Variants in CHST6 observed in about 807,000 individuals in gnomAD.
The protein encoded by CHST6 is carbohydrate sulfotransferase 6.
For missense variants in CHST6, 698 were observed against 586.2 expected (o/e 1.19, Z -1.97); for synonymous variants, 309 against 276.4 (o/e 1.12, Z -1.17).
chr16:75,479,315 C>A lies in CHST6; in HGVS notation c.514G>T (p.Val172Leu). 1 of 1,613,226 alleles carries A rather than the reference C, an allele frequency of 6.2e-7. No individual in the cohort carries two copies. The highest frequency in any genetic ancestry group is 1.1e-5 in the South Asian group (1 of 91,082). Residue 172 changes from valine (V) to leucine (L), a missense_variant, in exon 3 of 3, where the codon GTG becomes TTG. Val to Leu is a conservative substitution (Grantham distance 32). Transcript: ENST00000332272. ...TTGAAGAAGCGCACCTCCTTGAGCA[C>A]CACGTGGCTGTAGGAGCGGCAGGCC... ...REACRSYSHV[V>L]LKEVRFFNLQ...
At chr16:75,492,820 G>C (rs1475020855) in intron 1 of CHST6, among the ~76,000 whole-genome samples, 1 of 152,102 alleles carries the variant, frequency 6.6e-6, no homozygotes, top group East Asian at 1.9e-4. Context: ...CTGCACTCCA[G>C]TCTGGGCGAC....
rs138472531 is a variant in CHST6, at chr16:75,493,539, A to G, written c.-92+1401T>C. Among the ~76,000 whole-genome samples, 777 of 151,540 alleles carry G rather than the reference A, an allele frequency of 5.1e-3. 8 individuals carry two copies. Among genetic ancestry groups the G allele is most frequent in the African/African-American group, 0.017 (710 of 41,194 alleles). On this transcript the variant is annotated intron_variant, in intron 1 of 2. Transcript: ENST00000332272. The stretch of plus-strand genomic sequence containing the variant: ...ATCAAAAAAAAAAAAAAAAATCTGT[A>G]AAGTGGGGGAAACAATATAACCCAA...
Position 75,472,055 on chromosome 16 carries a change from C to T in CHST6, c.*6586G>A, listed in dbSNP as rs558897834. On this transcript the variant is annotated 3_prime_UTR_variant, in exon 3 of 3. Transcript: ENST00000332272. ...AGACTACTAAAGTACTGGAAGCAAG[C>T]GTGAAGACCATTTTTATCACTGTAG... is the stretch of plus-strand genomic sequence containing the variant. The T allele has an allele frequency of 1.4e-4, 22 of 152,246 alleles. No individual in the cohort carries two copies. Among genetic ancestry groups the T allele is most frequent in the African/African-American group, 3.1e-4 (13 of 41,534 alleles). The allele number at this position is 152,246 out of a possible 1,614,324, so 9.4% of individuals were successfully genotyped here.
Position 75,479,526 on chromosome 16 carries a change from C to T in CHST6, c.303G>A (p.Leu101=). The change falls in exon 3 of 3, where the codon CTG becomes CTA. Residue 101 remains leucine (L), a synonymous_variant. Coordinates refer to ENST00000332272, the MANE Select transcript of CHST6 (RefSeq NM_021615.5). ...AGGCATCAAACACGTCCATGTCGCA[C>T]AGGAAGACGGAGCGCACCAGGTCGC... ...AVRDLVRSVF[L]CDMDVFDAYL... The T allele has an allele frequency of 6.2e-7, 1 of 1,612,902 alleles. No individual in the cohort carries two copies. The highest frequency in any genetic ancestry group is 8.5e-7 in the Non-Finnish European group (1 of 1,179,834).
At chr16:75,486,979 A>G (rs1396982133) in intron 1 of CHST6, among the ~76,000 whole-genome samples, 1 of 152,228 alleles carries the variant, frequency 6.6e-6, no homozygotes, top group Non-Finnish European at 1.5e-5. Flanking sequence ...AGAATGGCAT[A>G]CTTCAATAAA....
At chr16:75,484,078 C>A (rs928876872) in intron 1 of CHST6, among the ~76,000 whole-genome samples, 1 of 152,002 alleles carries the variant, frequency 6.6e-6, no homozygotes, top group Non-Finnish European at 1.5e-5. Context: ...TGACTCACGC[C>A]TGTAAACCCA....
intron 1 of CHST6, among the ~76,000 whole-genome samples, chr16:75,488,680 A>G (rs1052788850): frequency 2.0e-5 from 3 of 151,836 alleles, no homozygotes; most frequent in African/African-American, 7.3e-5. Context: ...AACATAAAGC[A>G]GGGAACATAA....
In CHST6 at chr16:75,479,703, A is replaced by G. The variant is rs1450998473; in HGVS notation, c.126T>C (p.His42=). ...AGCGCCACGAGGACAGCACCAGCAC[A>G]TGCACGCGCGCCTCGCCGCCTGCTG... The part of the protein sequence containing the change: ...SSPAGGEARV[H]VLVLSSWRSG... The change falls in exon 3 of 3, where the codon CAT becomes CAC. Residue 42 remains histidine (H), a synonymous_variant. Coordinates refer to ENST00000332272, the MANE Select transcript of CHST6 (RefSeq NM_021615.5). The G allele has an allele frequency of 2.5e-6, 4 of 1,611,086 alleles. No homozygotes were observed. The highest frequency in any genetic ancestry group is 3.4e-6 in the Non-Finnish European group (4 of 1,178,840).
intron 2 of CHST6, among the ~76,000 whole-genome samples, chr16:75,481,259 G>A (rs1044216526): frequency 6.6e-6 from 1 of 152,032 alleles, no homozygotes; most frequent in East Asian, 1.9e-4. Flanking sequence ...TTGGGCGATA[G>A]AGTGAGACTC....
At chr16:75,491,190 A>AAAAAAAAAAATATAT (rs1206595857) in intron 1 of CHST6, among the ~76,000 whole-genome samples, 3 of 50,084 alleles carry the variant, frequency 6.0e-5, no homozygotes, top group African/African-American at 1.1e-4. Context: ...AAAAAAAAAA[A>AAAAAAAAAAATATAT]ATATATATAT....
At position 75,474,700 on chromosome 16, in the gene CHST6, T is replaced by C; in HGVS notation, c.*3941A>G. ...TGTCCTAGCATGATGGAAGGCATCA[T>C]ATGGCAGAAGGGCAAAGTGAGGGCG... On this transcript the variant is annotated 3_prime_UTR_variant, in exon 3 of 3. Coordinates refer to ENST00000332272, the MANE Select transcript of CHST6 (RefSeq NM_021615.5). 1 of 398,610 alleles carries C rather than the reference T, an allele frequency of 2.5e-6. No individual in the cohort carries two copies. 24.7% of individuals were successfully genotyped at this position (398,610 alleles called of 1,614,324 possible).
Position 75,479,610 on chromosome 16 carries a change from C to T in CHST6, c.219G>A (p.Ala73=), listed in dbSNP as rs140123684. The T allele has an allele frequency of 1.9e-6, 3 of 1,612,862 alleles. No individual in the cohort carries two copies. Among genetic ancestry groups the T allele is most frequent in the Non-Finnish European group, 2.5e-6 (3 of 1,179,848 alleles). ...GCGACAGGGTGGTCCACACGTGCCA[C>T]GCGGGCTCCATTAGGTAGAAGACGT... ...HPDVFYLMEP[A]WHVWTTLSQG... Residue 73 remains alanine, a synonymous_variant, in exon 3 of 3, where the codon GCG becomes GCA. Transcript: ENST00000332272.
At position 75,477,052 on chromosome 16, in the gene CHST6, C is replaced by T. The variant is rs866562129; in HGVS notation, c.*1589G>A. The T allele has an allele frequency of 6.6e-6, 1 of 152,222 alleles. No homozygotes were observed. Among genetic ancestry groups the T allele is most frequent in the Middle Eastern group, 3.2e-3 (1 of 316 alleles). 9.4% of individuals were successfully genotyped at this position (152,222 alleles called of 1,614,324 possible). ...AGCCACTGCATCCAGCCAAGTTACC[C>T]ACTCTTAAGGTATTTTGTTATAACC... is the stretch of plus-strand genomic sequence containing the variant. On this transcript the variant is annotated 3_prime_UTR_variant, in exon 3 of 3. Transcript: ENST00000332272.
In CHST6 at chr16:75,474,858, C is replaced by T. The variant is rs529536108; in HGVS notation, c.*3783G>A. 5.4e-4 allele frequency: 210 copies of T among 389,600 alleles called. 1 individual carries two copies. Among genetic ancestry groups the T allele is most frequent in the Non-Finnish European group, 5.9e-5 (13 of 220,782 alleles). The allele number at this position is 389,600 out of a possible 1,614,324, so 24.1% of individuals were successfully genotyped here. A position where few individuals can be genotyped will look rare whatever the true frequency, so the allele number is the denominator to read the frequency against. ...TTGCCCAGGCTGGAGTACAGTGGTGCGATCTCAGCTCACTGCAATCTCTGC... is the reference window on the plus strand; with the variant it reads ...TTGCCCAGGCTGGAGTACAGTGGTGTGATCTCAGCTCACTGCAATCTCTGC... On this transcript the variant is annotated 3_prime_UTR_variant, in exon 3 of 3. Coordinates refer to ENST00000332272, the MANE Select transcript of CHST6 (RefSeq NM_021615.5).
In CHST6 at chr16:75,478,982, C is replaced by G. The variant is rs755518966; in HGVS notation, c.847G>C (p.Glu283Gln). The G allele has an allele frequency of 6.2e-7, 1 of 1,612,680 alleles. No homozygotes were observed. Among genetic ancestry groups the G allele is most frequent in the Non-Finnish European group, 8.5e-7 (1 of 1,179,966 alleles). Residue 283 changes from glutamate (E) to glutamine (Q), a missense_variant, in exon 3 of 3, where the codon GAA (glutamate) becomes CAA (glutamine). Coordinates refer to ENST00000332272, the MANE Select transcript of CHST6 (RefSeq NM_021615.5). ...GTGAAGGCGTAGAGCGCACGGATTT[C>G]TGCCAGCGGCTCCCGCGCCAGGTCC... ...FEDLAREPLAEIRALYAFTGL... is the reference protein window; with the variant it reads ...FEDLAREPLAQIRALYAFTGL...
chr16:75,478,406 AG>A lies in CHST6; in HGVS notation c.*234del. 1 of 570,994 alleles carries A rather than the reference AG, an allele frequency of 1.8e-6. No homozygotes were observed. Among genetic ancestry groups the A allele is most frequent in the Admixed American group, 3.0e-5 (1 of 33,302 alleles). The allele number at this position is 570,994 out of a possible 1,614,324, so 35.4% of individuals were successfully genotyped here. ...CCCTGTGCCCAGAGGAGGAGGGGCA[AG>A]AGTTGCTTTCCATGAAGAGTGCACC... On this transcript the variant is annotated 3_prime_UTR_variant, in exon 3 of 3. Transcript: ENST00000332272.
rs973140409 is a variant in CHST6 at position 75,473,606 on chromosome 16, C to T, written c.*5035G>A. The T allele has an allele frequency of 1.3e-5, 2 of 152,144 alleles. No homozygotes were observed. The highest frequency in any genetic ancestry group is 2.9e-5 in the Non-Finnish European group (2 of 68,024). The allele number at this position is 152,144 out of a possible 1,614,324, so 9.4% of individuals were successfully genotyped here. ...CCCTCCCCTTTTCTGCCTAAAGGCA[C>T]GATATAAACTCTCCATCACTGGACA... On this transcript the variant is annotated 3_prime_UTR_variant, in exon 3 of 3. Transcript: ENST00000332272.
intron 1 of CHST6, among the ~76,000 whole-genome samples, chr16:75,487,676 G>A (rs1221047039): frequency 6.6e-6 from 1 of 151,854 alleles, no homozygotes; most frequent in East Asian, 1.9e-4. Context: ...GCGGGCACCT[G>A]TAGTCCCAGC....
chr16:75,491,183 AAAAAAAAATATATATAT>A (rs1360746776), intron 1 of CHST6, among the ~76,000 whole-genome samples: 4 of 86,190 alleles, frequency 4.6e-5, no homozygotes, highest in African/African-American at 1.8e-4. Flanking sequence ...AAAAAAAAAA[AAAAAAAAATATATATAT>A]ATATATATAT....
Sources: gnomAD v4.1 joint callset for allele counts (sites outside exome capture counted in the v4.1 genomes callset) on GRCh38, gnomAD v4.1.1 for gene constraint, MANE v1.5 for transcripts, NCBI Gene and HGNC (gene_info 2026-07-23, HGNC 2026-07-21) for gene names.